The following CFAP299 variants were observed in gnomAD, a reference collection of about 807,000 sequenced individuals.
CFAP299 encodes the protein cilia and flagella associated protein 299.
CFAP299 carries 21 observed loss-of-function variants against 27.0 expected under a neutral mutation model. That is an observed-to-expected ratio of 0.78 (90% CI 0.55 to 1.12). The LOEUF (loss-of-function observed/expected upper bound fraction) is 1.12. CFAP299 is among the 50% of genes most tolerant of loss of function. The pLI is 0.00. For synonymous variants in CFAP299, 104 were observed against 98.1 expected, an observed-to-expected ratio of 1.06 and a Z score of -0.36; for missense variants, 310 against 276.6, an observed-to-expected ratio of 1.12 and a Z score of -0.86.
At chr4:80,549,485 G>A (rs1213232940) in intron 2 of CFAP299, among the ~76,000 whole-genome samples, 3 of 152,150 alleles carry the variant, frequency 2.0e-5, no homozygotes, top group Admixed American at 2.0e-4. Flanking sequence ...GATGTTCTCT[G>A]AAAAGACAAG....
intron 3 of CFAP299, among the ~76,000 whole-genome samples, chr4:80,627,903 T>C (rs547704810): frequency 1.7e-4 from 26 of 152,194 alleles, no homozygotes; most frequent in African/African-American, 6.3e-4. Flanking sequence ...AACATGTCCA[T>C]ACTACCCAAA....
intron 3 of CFAP299, among the ~76,000 whole-genome samples, chr4:80,732,049 A>G (rs1723555574): frequency 9.3e-6 from 1 of 108,100 alleles, no homozygotes; most frequent in African/African-American, 4.5e-5. Context: ...CTGCATTCAT[A>G]CACAGACACA....
intron 2 of CFAP299, among the ~76,000 whole-genome samples, chr4:80,426,581 A>G (rs939844628): frequency 6.6e-6 from 1 of 152,186 alleles, no homozygotes; most frequent in Non-Finnish European, 1.5e-5. Context: ...TCTTACTAAA[A>G]TTGATTCTTG....
At chr4:80,772,408 T>C (rs560924397) in intron 3 of CFAP299, among the ~76,000 whole-genome samples, 1 of 152,302 alleles carries the variant, frequency 6.6e-6, no homozygotes, top group South Asian at 2.1e-4. Context: ...TGAGTAGTAT[T>C]AATTTCATTT....
At chr4:80,706,263 A>G (rs1721811570) in intron 3 of CFAP299, among the ~76,000 whole-genome samples, 2 of 151,692 alleles carry the variant, frequency 1.3e-5, no homozygotes, top group African/African-American at 4.8e-5. Context: ...TTATGCAAAC[A>G]TACCCTAAAC....
At chr4:80,332,115 A>T (rs1289067752), upstream of CFAP299, among the ~76,000 whole-genome samples, 2 of 152,236 alleles carry the variant, frequency 1.3e-5, no homozygotes, top group Non-Finnish European at 2.9e-5. Flanking sequence ...CTAAATGTCA[A>T]GCAGTCTGAG....
At chr4:80,637,710 G>A (rs1294396671) in intron 3 of CFAP299, among the ~76,000 whole-genome samples, 2 of 152,132 alleles carry the variant, frequency 1.3e-5, no homozygotes, top group Non-Finnish European at 2.9e-5. Flanking sequence ...GGACCTAACA[G>A]AAACACTAGA....
intron 3 of CFAP299, among the ~76,000 whole-genome samples, chr4:80,693,246 A>G (rs1053791349): frequency 1.3e-4 from 20 of 152,100 alleles, no homozygotes; most frequent in Non-Finnish European, 2.1e-4. Context: ...ACACATGTAC[A>G]CGTATGTTTA....
chr4:80,923,736 AG>A (rs1237422235), intron 4 of CFAP299, among the ~76,000 whole-genome samples: 2 of 152,010 alleles, frequency 1.3e-5, no homozygotes, highest in African/African-American at 4.8e-5. Context: ...CCTTGGTTGA[AG>A]TATCAGGACT....
intron 3 of CFAP299, among the ~76,000 whole-genome samples, chr4:80,609,799 A>T (rs554883531): frequency 2.6e-5 from 4 of 152,000 alleles, no homozygotes; most frequent in Non-Finnish European, 4.4e-5. Context: ...GCTATATTCT[A>T]TAAGTTTTTG....
In CFAP299 at chr4:80,752,888, G is replaced by A. The variant is rs768257509; in HGVS notation, c.334-117105G>A. On this transcript the variant is annotated intron_variant, in intron 3 of 5. Coordinates refer to ENST00000358105, the MANE Select transcript of CFAP299 (RefSeq NM_152770.3). ...AATAATATGCCACTTTGTCTATAGT[G>A]TAAAACCTTACAACAGATTATTTCA... Among the ~76,000 whole-genome samples, 11 of 151,912 alleles carry A rather than the reference G, an allele frequency of 7.2e-5. No homozygotes were observed. In the South Asian group the frequency reaches 1.5e-3, roughly 20 times the overall value.
At chr4:80,722,564 C>G (rs770843492) in intron 3 of CFAP299, among the ~76,000 whole-genome samples, 14 of 152,106 alleles carry the variant, frequency 9.2e-5, no homozygotes, top group Non-Finnish European at 1.5e-4. Flanking sequence ...AAGTATATAT[C>G]TTTTAAAAGA....
intron 3 of CFAP299, among the ~76,000 whole-genome samples, chr4:80,739,293 G>A (rs1435043151): frequency 6.6e-6 from 1 of 151,952 alleles, no homozygotes; most frequent in Non-Finnish European, 1.5e-5. Flanking sequence ...TTGCTCTTTA[G>A]CATTATTTTC....
chr4:80,932,511 G>C (rs988383307), intron 4 of CFAP299, among the ~76,000 whole-genome samples: 1 of 151,768 alleles, frequency 6.6e-6, no homozygotes, highest in Admixed American at 6.6e-5. Context: ...GATATTATTT[G>C]AAAATAGAAA....
chr4:80,779,888 G>T (rs956234215), intron 3 of CFAP299, among the ~76,000 whole-genome samples: 1 of 151,972 alleles, frequency 6.6e-6, no homozygotes, highest in African/African-American at 2.4e-5. Context: ...ATGTAAGAGA[G>T]ACTGGAAAAA....
intron 2 of CFAP299, among the ~76,000 whole-genome samples, chr4:80,404,365 C>G (rs570306740): frequency 6.6e-6 from 1 of 152,232 alleles, no homozygotes; most frequent in East Asian, 1.9e-4. Flanking sequence ...TCGCTGTGCA[C>G]CCTATCTCTG....
intron 1 of CFAP299, chr4:80,336,475 T>G (rs1722149682): frequency 6.6e-6 from 1 of 152,536 alleles, no homozygotes; most frequent in African/African-American, 2.4e-5. Flanking sequence ...CACAACTAAC[T>G]TTGATAGTAA....
intron 1 of CFAP299, among the ~76,000 whole-genome samples, chr4:80,338,535 A>G (rs1246841056): frequency 6.6e-6 from 1 of 152,222 alleles, no homozygotes; most frequent in African/African-American, 2.4e-5. Context: ...TTTACCTACA[A>G]AATGAAACAG....
At position 80,905,836 on chromosome 4, in the gene CFAP299, C is replaced by T. The variant is rs566881482; in HGVS notation, c.476+35701C>T. On this transcript the variant is annotated intron_variant, in intron 4 of 5. Transcript: ENST00000358105. ...ACCTCCCACTGAGCTCCTCCCATGA[C>T]GTGGGGATTATGGGAACTACAATTC... is the stretch of plus-strand genomic sequence containing the variant. Among the ~76,000 whole-genome samples the T allele has an allele frequency of 4.9e-4, 75 of 152,234 alleles. 1 individual carries two copies. The highest frequency in any genetic ancestry group is 3.3e-3 in the Admixed American group (51 of 15,292).
Sources: gnomAD v4.1 joint callset for allele counts (sites outside exome capture counted in the v4.1 genomes callset) on GRCh38, gnomAD v4.1.1 for gene constraint, MANE v1.5 for transcripts, NCBI Gene and HGNC (gene_info 2026-07-23, HGNC 2026-07-21) for gene names.